Variants in C1orf116 observed in about 807,000 individuals in gnomAD.
C1orf116 encodes specifically androgen-regulated gene protein.
A neutral mutation model predicts 14.1 loss-of-function variants in C1orf116; 12 were observed. The ratio of observed to expected loss-of-function variants is 0.85; its 90% CI spans 0.54 to 1.38. The LOEUF (loss-of-function observed/expected upper bound fraction) is 1.38. Ranked by LOEUF, C1orf116 falls within the 40% of genes most tolerant of loss-of-function variation. The pLI, the probability that C1orf116 is intolerant of heterozygous loss-of-function variation, is 0.00. For missense variants in C1orf116, 797 were observed against 747.0 expected, an observed-to-expected ratio of 1.07 and a Z score of -0.78; for synonymous variants, 296 against 299.0, an observed-to-expected ratio of 0.99 and a Z score of 0.10.
At chr1:207,028,853 TGGA>T (rs1203186819) in intron 1 of C1orf116, among the ~76,000 whole-genome samples, 1 of 152,236 alleles carries the variant, frequency 6.6e-6, no homozygotes, top group Non-Finnish European at 1.5e-5. Flanking sequence ...AACAGAGAGT[TGGA>T]GGAGAGCCAG....
At position 207,023,180 on chromosome 1, in the gene C1orf116, A is replaced by C; in HGVS notation, c.584T>G (p.Val195Gly). The C allele has an allele frequency of 6.2e-7, 1 of 1,609,586 alleles. No homozygotes were observed. The highest frequency in any genetic ancestry group is 1.7e-5 in the Admixed American group (1 of 59,688). ...SPQEAALDLD[V>G]VLIPPPEAFR... ...AGCTTCTGGCGGAGGGATGAGCACC[A>C]CGTCCAAGTCAAGGGCAGCCTCCTG... Residue 195 changes from valine (V) to glycine (G), a missense_variant, in exon 4 of 4, where the codon GTG becomes GGG. Coordinates refer to ENST00000359470, the MANE Select transcript of C1orf116 (RefSeq NM_023938.6).
intron 1 of C1orf116, among the ~76,000 whole-genome samples, chr1:207,028,936 T>C (rs1682163686): frequency 6.6e-6 from 1 of 152,222 alleles, no homozygotes; most frequent in Non-Finnish European, 1.5e-5. Context: ...TTTTCTTTCA[T>C]CTTTCCAACC....
chr1:207,031,930 TA>T (rs1361065892), intron 1 of C1orf116, among the ~76,000 whole-genome samples: 1 of 152,182 alleles, frequency 6.6e-6, no homozygotes, highest in Non-Finnish European at 1.5e-5. Flanking sequence ...AGAATCCAAA[TA>T]AACTTGACTT....
chr1:207,025,158 C>A (rs2102301147), intron 2 of C1orf116, 94 bp from the exon 3 acceptor site: 2 of 976,178 alleles, frequency 2.0e-6, no homozygotes, highest in South Asian at 1.6e-5. Flanking sequence ...AGAAAGCGCT[C>A]CCTCCGCAGA....
Position 207,024,919 on chromosome 1 carries a change from C to T in C1orf116, c.251G>A (p.Arg84Gln), listed in dbSNP as rs746322010. Residue 84 changes from arginine to glutamine, a missense_variant, in exon 3 of 4, where the codon CGA (arginine) becomes CAA (glutamine). Transcript: ENST00000359470. ...SEPATTPRGF[R>Q]ALPITQPTPR... ...AGTGGGTTGGGTTATGGGCAGTGCT[C>T]GGAAACCTCTGGGAGTTGTGGCTGG... 12 of 1,613,858 alleles carry T rather than the reference C, an allele frequency of 7.4e-6. No homozygotes were observed. Among genetic ancestry groups the T allele is most frequent in the East Asian group, 4.5e-5 (2 of 44,876 alleles).
chr1:207,027,846 TG>T (rs1682131349), intron 1 of C1orf116, among the ~76,000 whole-genome samples, 167 bp from the exon 2 acceptor site: 1 of 152,224 alleles, frequency 6.6e-6, no homozygotes, highest in African/African-American at 2.4e-5. Context: ...ACCCTGAAGC[TG>T]GCTTAAATAC....
At chr1:207,030,575 T>C (rs12065946) in intron 1 of C1orf116, among the ~76,000 whole-genome samples, 6,202 of 152,278 alleles carry the variant, frequency 0.041, 406 homozygotes, top group African/African-American at 0.14. Context: ...AATCTGAACC[T>C]GAAACCAAAG....
In C1orf116 at chr1:207,018,531, T is replaced by A. The variant is rs1387888424; in HGVS notation, c.*3427A>T. On this transcript the variant is annotated 3_prime_UTR_variant, in exon 4 of 4. Coordinates refer to ENST00000359470, the MANE Select transcript of C1orf116 (RefSeq NM_023938.6). Reference sequence around the variant, plus strand: ...AAATAAGACCCAGAAGGTAGTATTATCATTTATTGAGTAGCTACACTGTGG... The same window carrying A: ...AAATAAGACCCAGAAGGTAGTATTAACATTTATTGAGTAGCTACACTGTGG... The A allele has an allele frequency of 6.6e-6, 1 of 152,260 alleles. No individual in the cohort carries two copies. The highest frequency in any genetic ancestry group is 2.4e-5 in the African/African-American group (1 of 41,470). 9.4% of individuals were successfully genotyped at this position (152,260 alleles called of 1,614,324 possible).
chr1:207,026,637 C>A (rs1682082671), intron 2 of C1orf116, among the ~76,000 whole-genome samples: 1 of 152,174 alleles, frequency 6.6e-6, no homozygotes, highest in South Asian at 2.1e-4. Context: ...TCAGTAGACA[C>A]CCTTAAATTT....
chr1:207,025,240 C>T (rs535657628), intron 2 of C1orf116, among the ~76,000 whole-genome samples, 176 bp from the exon 3 acceptor site: 71 of 152,320 alleles, frequency 4.7e-4, no homozygotes, highest in African/African-American at 1.6e-3. Context: ...TTCCCTCCTG[C>T]TACTCTGCAA....
Position 207,023,152 on chromosome 1 carries a change from G to C in C1orf116, c.612C>G (p.Phe204Leu), listed in dbSNP as rs1558044037. ...TACACTGCTCTGGCTGGGTGTCCCG[G>C]AAAGCTTCTGGCGGAGGGATGAGCA... is the stretch of plus-strand genomic sequence containing the variant. ...DVVLIPPPEA[F>L]RDTQPEQCRE... Residue 204 changes from phenylalanine to leucine, a missense_variant, in exon 4 of 4, where the codon TTC becomes TTG. Phe to Leu is a conservative substitution (Grantham distance 22, BLOSUM62 0). Transcript: ENST00000359470. 1 of 1,611,730 alleles carries C rather than the reference G, an allele frequency of 6.2e-7. No homozygotes were observed. Among genetic ancestry groups the C allele is most frequent in the East Asian group, 2.2e-5 (1 of 44,868 alleles).
intron 1 of C1orf116, among the ~76,000 whole-genome samples, chr1:207,032,000 T>C (rs1682260281): frequency 6.6e-6 from 1 of 152,220 alleles, no homozygotes; most frequent in African/African-American, 2.4e-5. Context: ...GTTTTCTCCA[T>C]GTGCCCCAAC....
chr1:207,032,481 T>G, intron 1 of C1orf116, 98 bp downstream of exon 1: 1 of 787,656 alleles, frequency 1.3e-6, no homozygotes, highest in Non-Finnish European at 1.5e-6. Context: ...CTAGCTGGGG[T>G]ATAGAGGGAC....
At chr1:207,028,353 G>A (rs558472965) in intron 1 of C1orf116, among the ~76,000 whole-genome samples, 67 of 152,286 alleles carry the variant, frequency 4.4e-4, no homozygotes, top group Non-Finnish European at 8.7e-4. Context: ...ACCTCATGGG[G>A]TTATTGTGAG....
At chr1:207,030,336 G>A (rs1310594006) in intron 1 of C1orf116, among the ~76,000 whole-genome samples, 2 of 151,978 alleles carry the variant, frequency 1.3e-5, no homozygotes, top group Admixed American at 6.5e-5. Context: ...GATGCAAGAG[G>A]GGCATGCCCC....
At chr1:207,027,225 C>T (rs1203392412) in intron 2 of C1orf116, among the ~76,000 whole-genome samples, 1 of 152,230 alleles carries the variant, frequency 6.6e-6, no homozygotes, top group African/African-American at 2.4e-5. Context: ...CAGGCCTACT[C>T]TCTCTGCTCA....
At position 207,027,500 on chromosome 1, in the gene C1orf116, A is replaced by G; in HGVS notation, c.99T>C (p.Ser33=). Residue 33 remains serine, a synonymous_variant, in exon 2 of 4, where the codon TCT becomes TCC. Transcript: ENST00000359470. ...DSMMSSTSTR[S]GSSDSSYDFL... Reference sequence around the variant, plus strand: ...GAGGGAGAGTATTACGTACAGATCCAGAGCGGGTGGAGGTGCTGCTCATCA... The same window carrying G: ...GAGGGAGAGTATTACGTACAGATCCGGAGCGGGTGGAGGTGCTGCTCATCA... 1.2e-6 allele frequency: 2 copies of G among 1,613,944 alleles called. No homozygotes were observed. The highest frequency in any genetic ancestry group is 1.3e-5 in the African/African-American group (1 of 75,070).
chr1:207,030,246 C>T (rs148238112), intron 1 of C1orf116, among the ~76,000 whole-genome samples: 80 of 152,314 alleles, frequency 5.3e-4, no homozygotes, highest in Admixed American at 2.0e-3. Context: ...TTACCACTAG[C>T]CCTTCCTAAG....
rs560386840 is a variant in C1orf116 at position 207,021,662 on chromosome 1, G to A, written c.*296C>T. Reference sequence around the variant, plus strand: ...CAATGTAAGAAAACATCTAACAAGAGCAAAATTCTGAACAGTGACTCATTG... The same window carrying A: ...CAATGTAAGAAAACATCTAACAAGAACAAAATTCTGAACAGTGACTCATTG... On this transcript the variant is annotated 3_prime_UTR_variant, in exon 4 of 4. Coordinates refer to ENST00000359470, the MANE Select transcript of C1orf116 (RefSeq NM_023938.6). 3 of 255,422 alleles carry A rather than the reference G, an allele frequency of 1.2e-5. No individual in the cohort carries two copies. The highest frequency in any genetic ancestry group is 3.2e-4 in the South Asian group (2 of 6,254). 15.8% of individuals were successfully genotyped at this position (255,422 alleles called of 1,614,324 possible). A position where few individuals can be genotyped will look rare whatever the true frequency, so the allele number is the denominator to read the frequency against.
Sources: allele counts gnomAD v4.1 joint callset (sites outside exome capture counted in the v4.1 genomes callset), GRCh38; gene constraint gnomAD v4.1.1; transcripts MANE v1.5; gene names NCBI Gene and HGNC (gene_info 2026-07-23, HGNC 2026-07-21).